Variants in PDE1C observed in about 807,000 individuals in gnomAD.
PDE1C encodes phosphodiesterase 1C.
In PDE1C, 62 loss-of-function variants were observed where a neutral mutation model predicts 93.1. The observed-to-expected ratio is 0.67, with a 90% CI of 0.54 to 0.82. The LOEUF (loss-of-function observed/expected upper bound fraction) is 0.82. Ranked by LOEUF, PDE1C falls within the 40% of genes least tolerant of loss-of-function variation. The pLI, the probability that PDE1C is intolerant of heterozygous loss-of-function variation, is 0.00. For synonymous variants in PDE1C, 325 were observed against 310.1 expected, an observed-to-expected ratio of 1.05 and a Z score of -0.50; for missense variants, 742 against 884.6, an observed-to-expected ratio of 0.84 and a Z score of 2.04.
chr7:32,108,080 T>C (rs1798430419), intron 3 of PDE1C, among the ~76,000 whole-genome samples: 1 of 151,326 alleles, frequency 6.6e-6, no homozygotes, highest in Non-Finnish European at 1.5e-5. Flanking sequence ...AGATGGAAGA[T>C]AAAAATGAAA....
upstream of PDE1C, among the ~76,000 whole-genome samples, chr7:32,073,505 GTAGT>G (rs1368868859): frequency 3.3e-5 from 5 of 152,158 alleles, no homozygotes; most frequent in Non-Finnish European, 7.3e-5. Context: ...GGGAAGGGAA[GTAGT>G]TAGTTCTCAA....
intron 16 of PDE1C, among the ~76,000 whole-genome samples, chr7:31,776,011 G>T (rs1028125088): frequency 6.6e-6 from 1 of 151,906 alleles, no homozygotes; most frequent in African/African-American, 2.4e-5. Context: ...GGATCACAGG[G>T]GAAGTTTTCT....
At chr7:31,856,569 T>G (rs1213707137) in intron 7 of PDE1C, among the ~76,000 whole-genome samples, 1 of 152,108 alleles carries the variant, frequency 6.6e-6, no homozygotes, top group East Asian at 1.9e-4. Flanking sequence ...CTCTGCACAA[T>G]AGGTGTGTTG....
the PDE1C span, chr7:31,692,641 C>G: frequency 2.3e-6 from 2 of 886,050 alleles, no homozygotes; most frequent in Non-Finnish European, 3.6e-6. Context: ...TAGTCTGTGC[C>G]TTCTGGTGAC....
the PDE1C span, among the ~76,000 whole-genome samples, chr7:31,710,522 A>G: frequency 4.8e-4 from 73 of 152,324 alleles, no homozygotes; most frequent in African/African-American, 1.6e-3. Context: ...AATGCAATTA[A>G]GTGAATTTTC....
intron 3 of PDE1C, among the ~76,000 whole-genome samples, chr7:32,156,379 A>G (rs1053153796): frequency 3.9e-5 from 6 of 152,068 alleles, no homozygotes; most frequent in Admixed American, 3.9e-4. Flanking sequence ...GTTTTCTATC[A>G]GATTAGGGGA....
chr7:32,373,223 T>C (rs1031509461), intron 1 of PDE1C, among the ~76,000 whole-genome samples: 26 of 152,232 alleles, frequency 1.7e-4, no homozygotes, highest in African/African-American at 6.0e-4. Context: ...GTCTGTCTAC[T>C]GATTAATGGA....
At chr7:32,402,067 C>T (rs1784954980) in intron 1 of PDE1C, among the ~76,000 whole-genome samples, 1 of 151,920 alleles carries the variant, frequency 6.6e-6, no homozygotes, top group Admixed American at 6.6e-5. Flanking sequence ...TATTGTTTTC[C>T]CTATTTAATA....
intron 1 of PDE1C, among the ~76,000 whole-genome samples, chr7:32,293,959 G>T (rs987824826): frequency 2.0e-5 from 3 of 152,146 alleles, no homozygotes; most frequent in Non-Finnish European, 4.4e-5. Context: ...GGCTCAGAAA[G>T]TCGTCAACCA....
intron 3 of PDE1C, among the ~76,000 whole-genome samples, chr7:32,125,607 C>T (rs577585290): frequency 1.3e-5 from 2 of 152,174 alleles, no homozygotes; most frequent in South Asian, 4.2e-4. Context: ...CCTCAGCAAA[C>T]TAACACAGGA....
At chr7:31,967,652 A>T (rs952229331) in intron 2 of PDE1C, among the ~76,000 whole-genome samples, 2 of 152,172 alleles carry the variant, frequency 1.3e-5, no homozygotes, top group Admixed American at 6.5e-5. Context: ...GCAGAGACAC[A>T]ACAAACAAGA....
chr7:32,277,276 G>T (rs1216135463), intron 1 of PDE1C, among the ~76,000 whole-genome samples: 1 of 152,074 alleles, frequency 6.6e-6, no homozygotes, highest in South Asian at 2.1e-4. Context: ...AAATCTGTAT[G>T]CATGCTAAGT....
At chr7:32,229,443 A>T (rs887235944) in intron 1 of PDE1C, among the ~76,000 whole-genome samples, 1 of 152,202 alleles carries the variant, frequency 6.6e-6, no homozygotes, top group Non-Finnish European at 1.5e-5. Flanking sequence ...ACAAAGGAAC[A>T]TTTGGGTCGC....
intron 1 of PDE1C, among the ~76,000 whole-genome samples, chr7:32,420,639 T>C (rs970841888): frequency 6.6e-6 from 1 of 151,926 alleles, no homozygotes; most frequent in African/African-American, 2.4e-5. Context: ...ATTGTAATTG[T>C]TCAAGTAATG....
Position 31,956,920 on chromosome 7 carries a change from G to A in PDE1C, c.129-76060C>T, listed in dbSNP as rs553729003. On this transcript the variant is annotated intron_variant, in intron 2 of 17. Transcript: ENST00000396191. The stretch of plus-strand genomic sequence containing the variant: ...ATAAATTGGGATGCTTCCGTATGCA[G>A]AAGAGATTTTTCATCTTGAGTATAT... Among the ~76,000 whole-genome samples, 39 of 152,130 alleles carry A rather than the reference G, an allele frequency of 2.6e-4. No individual in the cohort carries two copies. In the South Asian group the frequency reaches 3.5e-3, roughly 14 times the overall value.
the PDE1C span, among the ~76,000 whole-genome samples, chr7:31,662,414 C>T: frequency 6.6e-6 from 1 of 152,188 alleles, no homozygotes; most frequent in Non-Finnish European, 1.5e-5. Flanking sequence ...CCAAGAATCT[C>T]AGTGCCTGGA....
At chr7:32,163,115 A>G (rs1267565856) in intron 3 of PDE1C, among the ~76,000 whole-genome samples, 1 of 152,228 alleles carries the variant, frequency 6.6e-6, no homozygotes, top group Non-Finnish European at 1.5e-5. Flanking sequence ...GGAAGGCAAC[A>G]CTAAGTCAGG....
intron 1 of PDE1C, among the ~76,000 whole-genome samples, chr7:32,384,645 T>G (rs1003367179): frequency 1.3e-5 from 2 of 152,140 alleles, no homozygotes; most frequent in African/African-American, 4.8e-5. Context: ...ACACAGGGAC[T>G]AGAGCTTAAA....
intron 1 of PDE1C, among the ~76,000 whole-genome samples, chr7:32,214,804 T>C (rs1256148404): frequency 6.6e-6 from 1 of 152,194 alleles, no homozygotes; most frequent in Non-Finnish European, 1.5e-5. Context: ...ACATTGCCTC[T>C]ATCCTTCAGC....
Sources: allele counts gnomAD v4.1 joint callset (sites outside exome capture counted in the v4.1 genomes callset), GRCh38; gene constraint gnomAD v4.1.1; transcripts MANE v1.5; gene names NCBI Gene and HGNC (gene_info 2026-07-23, HGNC 2026-07-21).